Variants in SORCS1 observed in about 807,000 individuals in gnomAD.
SORCS1 encodes sortilin related VPS10 domain containing receptor 1, also known as VPS10 domain-containing receptor SorCS1.
A neutral mutation model predicts 146.1 loss-of-function variants in SORCS1; 60 were observed. The ratio of observed to expected loss-of-function variants is 0.41; its 90% CI spans 0.33 to 0.51. The LOEUF is 0.51. Among genes scored for constraint, SORCS1 ranks in the 20% least tolerant of loss-of-function variants. SORCS1 has a pLI of 0.21. For synonymous variants in SORCS1, 637 were observed against 584.0 expected (o/e 1.09, Z -1.31); for missense variants, 1,352 against 1,487.6 (o/e 0.91, Z 1.50).
At chr10:106,929,384 C>T (rs915664313) in intron 2 of SORCS1, among the ~76,000 whole-genome samples, 4 of 152,070 alleles carry the variant, frequency 2.6e-5, no homozygotes, top group East Asian at 3.9e-4. Context: ...CCTGGGGTAT[C>T]AGAATTAAAA....
intron 3 of SORCS1, among the ~76,000 whole-genome samples, chr10:106,779,545 A>ATTTTTTTTTTTTTTTTTTTTTTTT (rs1491495992): frequency 1.7e-5 from 2 of 116,732 alleles, no homozygotes; most frequent in Non-Finnish European, 1.9e-5. Context: ...ATTATGGCCC[A>ATTTTTTTTTTTTTTTTTTTTTTTT]TATTTTTTTT....
intron 5 of SORCS1, among the ~76,000 whole-genome samples, chr10:106,757,429 C>A (rs1339798457): frequency 1.3e-5 from 2 of 152,132 alleles, no homozygotes; most frequent in Non-Finnish European, 2.9e-5. Context: ...TCCTAGATAG[C>A]CCCATAGTTC....
At chr10:106,618,403 G>C in intron 20 of SORCS1, 131 bp from the exon 21 acceptor site, 2 of 1,120,748 alleles carry the variant, frequency 1.8e-6, no homozygotes, top group Non-Finnish European at 2.5e-6. Flanking sequence ...ATGGCACTGA[G>C]TCCCTCTATG....
intron 3 of SORCS1, among the ~76,000 whole-genome samples, chr10:106,823,337 A>G (rs1276125912): frequency 1.3e-5 from 2 of 152,194 alleles, no homozygotes; most frequent in Non-Finnish European, 2.9e-5. Context: ...CTTGGTTAGA[A>G]CAGACAAAAT....
At chr10:106,961,416 T>C (rs1955216809) in intron 1 of SORCS1, among the ~76,000 whole-genome samples, 1 of 152,226 alleles carries the variant, frequency 6.6e-6, no homozygotes, top group Non-Finnish European at 1.5e-5. Context: ...TTTGAAAACT[T>C]GTGTATTAAC....
In SORCS1 at chr10:106,995,027, A is replaced by C. The variant is rs550345610; in HGVS notation, c.559-38447T>G. ...ATATTAGCAGTTAAAAAGTAAGAAC[A>C]GCCGGCCAGGCATGGTGGCTCACGC... On this transcript the variant is annotated intron_variant, in intron 1 of 25. Coordinates refer to ENST00000263054, the MANE Select transcript of SORCS1 (RefSeq NM_052918.5). Among the ~76,000 whole-genome samples the C allele has an allele frequency of 3.3e-5, 5 of 152,214 alleles. No individual in the cohort carries two copies. In the South Asian group the frequency reaches 1.0e-3, roughly 32 times the overall value.
chr10:106,769,716 T>C (rs931828501), intron 4 of SORCS1, among the ~76,000 whole-genome samples: 2 of 152,218 alleles, frequency 1.3e-5, no homozygotes, highest in African/African-American at 4.8e-5. Flanking sequence ...TTCATCACAT[T>C]GGCAGTCCAT....
chr10:107,144,752 T>A (rs924244502), intron 1 of SORCS1, among the ~76,000 whole-genome samples: 1 of 152,318 alleles, frequency 6.6e-6, no homozygotes, highest in East Asian at 1.9e-4. Context: ...CTCTCCCCCT[T>A]CGGCACAGCT....
chr10:106,728,156 C>G (rs1242988342), intron 6 of SORCS1, among the ~76,000 whole-genome samples: 3 of 152,072 alleles, frequency 2.0e-5, no homozygotes, highest in African/African-American at 4.8e-5. Flanking sequence ...CTCCACCTCC[C>G]AAGTCGCTGG....
chr10:107,079,290 C>A (rs1963143933), intron 1 of SORCS1, among the ~76,000 whole-genome samples: 1 of 151,964 alleles, frequency 6.6e-6, no homozygotes. Flanking sequence ...GTACCTTTCA[C>A]TAAATATAGG....
rs566501292 is a variant in SORCS1, at chr10:106,733,922, G to A, written c.960-3808C>T. 3.2e-4 allele frequency among the ~76,000 whole-genome samples: 49 copies of A among 152,140 alleles called. 1 individual carries two copies. The highest frequency in any genetic ancestry group is 4.6e-4 in the Admixed American group (7 of 15,278). ...GCATAAATGACTCTCTTAATACACC[G>A]GACTCCCAAAGGCAAGTGTTCTGTC... On this transcript the variant is annotated intron_variant, in intron 5 of 25. Transcript: ENST00000263054.
At chr10:106,664,285 C>A (rs1850960480) in intron 17 of SORCS1, among the ~76,000 whole-genome samples, 1 of 152,118 alleles carries the variant, frequency 6.6e-6, no homozygotes, top group Non-Finnish European at 1.5e-5. Flanking sequence ...AGATGGTATT[C>A]TTTTTGAATA....
intron 1 of SORCS1, among the ~76,000 whole-genome samples, chr10:107,059,195 G>A (rs1204496075): frequency 6.6e-6 from 1 of 152,196 alleles, no homozygotes; most frequent in Non-Finnish European, 1.5e-5. Flanking sequence ...AGGGTTACAA[G>A]CAGGCCAGCC....
At chr10:106,579,298 A>G (rs776271569) in intron 25 of SORCS1, 71 bp downstream of exon 25, 1 of 1,614,012 alleles carries the variant, frequency 6.2e-7, no homozygotes, top group Admixed American at 1.7e-5. Flanking sequence ...TCACTGTAAC[A>G]CATGCTTCTG....
chr10:106,610,286 A>C (rs1340066949), intron 22 of SORCS1, among the ~76,000 whole-genome samples: 1 of 151,748 alleles, frequency 6.6e-6, no homozygotes, highest in Non-Finnish European at 1.5e-5. Flanking sequence ...CAAGATTCAA[A>C]CCTTGATGGT....
chr10:106,993,453 T>C (rs532878334), intron 1 of SORCS1, among the ~76,000 whole-genome samples: 3 of 152,308 alleles, frequency 2.0e-5, no homozygotes, highest in South Asian at 4.1e-4. Flanking sequence ...AAGAGATACA[T>C]GACTTAACTA....
rs1045727109 is a variant in SORCS1 at position 106,829,475 on chromosome 10, A to G, written c.726+99T>C. The G allele has an allele frequency of 4.3e-5, 32 of 751,650 alleles. 1 individual carries two copies. The highest frequency in any genetic ancestry group is 4.1e-5 in the Non-Finnish European group (18 of 443,096). The allele number at this position is 751,650 out of a possible 1,614,324, so 46.6% of individuals were successfully genotyped here. Reference sequence around the variant, plus strand: ...AACCCATCTTTACATTTCTAATCCCAGATTAACTGTAATGGATTTTTAGGT... The same window carrying G: ...AACCCATCTTTACATTTCTAATCCCGGATTAACTGTAATGGATTTTTAGGT... On this transcript the variant is annotated intron_variant, in intron 3 of 25. Transcript: ENST00000263054.
chr10:106,987,887 T>C (rs17192089), intron 1 of SORCS1, among the ~76,000 whole-genome samples: 33,940 of 152,140 alleles, frequency 0.22, 4,547 homozygotes, highest in Middle Eastern at 0.33. Flanking sequence ...CTTGTTCACT[T>C]ATGTCCTAGG....
intron 3 of SORCS1, among the ~76,000 whole-genome samples, chr10:106,798,810 G>C (rs1251999497): frequency 6.6e-6 from 1 of 152,062 alleles, no homozygotes; most frequent in Non-Finnish European, 1.5e-5. Context: ...CCCAGTAATG[G>C]GATGGCTGGG....
Sources: allele counts gnomAD v4.1 joint callset (sites outside exome capture counted in the v4.1 genomes callset), GRCh38; gene constraint gnomAD v4.1.1; transcripts MANE v1.5; gene names NCBI Gene and HGNC (gene_info 2026-07-23, HGNC 2026-07-21).